The following WWOX variants were observed in gnomAD, a reference collection of about 807,000 sequenced individuals.
WWOX encodes the protein WW domain containing oxidoreductase.
A neutral mutation model predicts 46.2 loss-of-function variants in WWOX; 69 were observed. That is an observed-to-expected ratio of 1.49 (90% confidence interval 1.23 to 1.82). The LOEUF (loss-of-function observed/expected upper bound fraction) is 1.82, where lower values mean the gene tolerates loss of function less well. Among genes scored for constraint, WWOX ranks in the 40% most tolerant of loss-of-function variants. WWOX has a pLI of 0.00. For synonymous variants in WWOX, 359 were observed against 202.6 expected, an observed-to-expected ratio of 1.77 and a Z score of -6.56; for missense variants, 919 against 542.6, an observed-to-expected ratio of 1.69 and a Z score of -6.89.
chr16:78,189,267 G>A (rs987828403), intron 5 of WWOX, among the ~76,000 whole-genome samples: 2 of 152,192 alleles, frequency 1.3e-5, no homozygotes, highest in Admixed American at 6.5e-5. Flanking sequence ...CAGCTCACCT[G>A]TGCCACGATG....
Position 78,886,861 on chromosome 16 carries a change from T to C in WWOX, c.1057-324747T>C, listed in dbSNP as rs138996921. Among the ~76,000 whole-genome samples, 129 of 152,160 alleles carry C rather than the reference T, an allele frequency of 8.5e-4. 1 individual carries two copies. The highest frequency in any genetic ancestry group is 3.0e-3 in the African/African-American group (126 of 41,532). On this transcript the variant is annotated intron_variant, in intron 8 of 8. Transcript: ENST00000566780. ...CTTGGAAAGCTTTGTTAGAGTCTTA[T>C]GGGATTGTGATGCACAGATACAGGG...
intron 5 of WWOX, among the ~76,000 whole-genome samples, chr16:78,213,772 G>A (rs1418856493): frequency 6.6e-6 from 1 of 152,068 alleles, no homozygotes; most frequent in Non-Finnish European, 1.5e-5. Context: ...CTTACCCAGG[G>A]AACTAGGTGA....
chr16:78,455,757 A>G (rs546941035), intron 8 of WWOX, among the ~76,000 whole-genome samples: 2 of 151,258 alleles, frequency 1.3e-5, no homozygotes, highest in South Asian at 2.1e-4. Flanking sequence ...AGTAATGAAC[A>G]TGAATTTGTA....
At chr16:78,711,821 G>A (rs1365718575) in intron 8 of WWOX, among the ~76,000 whole-genome samples, 2 of 152,132 alleles carry the variant, frequency 1.3e-5, no homozygotes. Flanking sequence ...CTCTCCCACT[G>A]TAAATGCACG....
chr16:78,852,608 C>G (rs1287908066), intron 8 of WWOX, among the ~76,000 whole-genome samples: 1 of 152,122 alleles, frequency 6.6e-6, no homozygotes, highest in Non-Finnish European at 1.5e-5. Flanking sequence ...CTAAGCTGCT[C>G]CTGAATTCTT....
intron 8 of WWOX, among the ~76,000 whole-genome samples, chr16:78,917,276 C>G (rs1188190408): frequency 6.6e-6 from 1 of 152,164 alleles, no homozygotes; most frequent in Non-Finnish European, 1.5e-5. Context: ...GCGTGGTTCC[C>G]CTAACTCAAA....
At chr16:78,115,829 G>C (rs1597219447) in intron 4 of WWOX, among the ~76,000 whole-genome samples, 1 of 152,220 alleles carries the variant, frequency 6.6e-6, no homozygotes, top group East Asian at 1.9e-4. Flanking sequence ...ATCTGAATCA[G>C]TGAGAACCAC....
intron 8 of WWOX, among the ~76,000 whole-genome samples, chr16:78,709,103 T>G (rs971638875): frequency 2.0e-5 from 3 of 152,072 alleles, no homozygotes; most frequent in African/African-American, 7.2e-5. Flanking sequence ...CTGCGTGTCA[T>G]TTTGAAGTTC....
At chr16:79,101,169 C>A (rs1175294223) in intron 8 of WWOX, 1 of 152,158 alleles carries the variant, frequency 6.6e-6, no homozygotes, top group Non-Finnish European at 1.5e-5. Flanking sequence ...CAGAAATTGG[C>A]CTCGTTTGAA....
chr16:78,582,857 T>A (rs1483159897), intron 8 of WWOX, among the ~76,000 whole-genome samples: 1 of 152,162 alleles, frequency 6.6e-6, no homozygotes, highest in African/African-American at 2.4e-5. Context: ...AAGAGGCCCT[T>A]CTAGTGATGT....
chr16:78,713,709 A>C (rs2048497860), intron 8 of WWOX, among the ~76,000 whole-genome samples: 1 of 152,194 alleles, frequency 6.6e-6, no homozygotes, highest in Admixed American at 6.5e-5. Context: ...CGGAGAAGCC[A>C]AACCTGCTGA....
chr16:79,076,947 T>C (rs1034052048), intron 8 of WWOX, among the ~76,000 whole-genome samples: 13 of 152,246 alleles, frequency 8.5e-5, no homozygotes, highest in Admixed American at 3.3e-4. Context: ...GGTATTATTA[T>C]TCTTATTTTG....
chr16:78,822,585 A>G (rs1597671346), intron 8 of WWOX, among the ~76,000 whole-genome samples: 1 of 152,202 alleles, frequency 6.6e-6, no homozygotes, highest in Non-Finnish European at 1.5e-5. Context: ...TTTATAAATA[A>G]AGTCTTCAGA....
intron 8 of WWOX, among the ~76,000 whole-genome samples, chr16:79,183,088 G>A (rs1195444260): frequency 6.6e-6 from 1 of 152,210 alleles, no homozygotes. Context: ...CCCACTATGG[G>A]TACTCCACTG....
chr16:78,260,750 G>A (rs2079210202), intron 5 of WWOX, among the ~76,000 whole-genome samples: 1 of 149,930 alleles, frequency 6.7e-6, no homozygotes, highest in Non-Finnish European at 1.5e-5. Flanking sequence ...CCTAGCCTGG[G>A]CAACATGGTG....
intron 5 of WWOX, among the ~76,000 whole-genome samples, chr16:78,253,475 A>G (rs1597404776): frequency 6.6e-6 from 1 of 152,316 alleles, no homozygotes; most frequent in Admixed American, 6.5e-5. Flanking sequence ...ACCCTGCTCA[A>G]GATCACTGGG....
intron 8 of WWOX, among the ~76,000 whole-genome samples, chr16:78,597,013 G>A (rs2045506816): frequency 1.3e-5 from 2 of 152,314 alleles, no homozygotes; most frequent in South Asian, 4.1e-4. Flanking sequence ...CCTCCAGCAT[G>A]CGATCCCCTC....
At chr16:78,213,423 G>T (rs2036622260) in intron 5 of WWOX, among the ~76,000 whole-genome samples, 1 of 151,744 alleles carries the variant, frequency 6.6e-6, no homozygotes, top group South Asian at 2.1e-4. Flanking sequence ...GTGAAAGCAA[G>T]GCAATGGTCA....
chr16:79,197,361 T>G (rs1472569213), intron 8 of WWOX, among the ~76,000 whole-genome samples: 2 of 152,104 alleles, frequency 1.3e-5, no homozygotes, highest in Non-Finnish European at 2.9e-5. Flanking sequence ...AAGAGCTGAG[T>G]GTGTACATTT....
Sources: allele counts gnomAD v4.1 joint callset (sites outside exome capture counted in the v4.1 genomes callset), GRCh38; gene constraint gnomAD v4.1.1; transcripts MANE v1.5; gene names NCBI Gene and HGNC (gene_info 2026-07-23, HGNC 2026-07-21).